Variants in CASTOR1 observed in about 807,000 individuals in gnomAD.
The protein encoded by CASTOR1 is GATS protein like 3.
Under a neutral mutation model 33.7 loss-of-function variants are expected in CASTOR1, and 18 were observed. That is an observed-to-expected ratio of 0.53 (90% CI 0.37 to 0.79). The LOEUF (loss-of-function observed/expected upper bound fraction) is 0.79, where lower values mean the gene tolerates loss of function less well. CASTOR1 is among the 30% of genes least tolerant of loss of function. CASTOR1 has a pLI of 0.00. For missense variants in CASTOR1, 362 were observed against 446.3 expected, an observed-to-expected ratio of 0.81 and a Z score of 1.70; for synonymous variants, 175 against 190.6, an observed-to-expected ratio of 0.92 and a Z score of 0.67.
intron 2 of CASTOR1, 127 bp from the exon 3 acceptor site, chr22:30,287,687 T>C: frequency 1.1e-6 from 1 of 878,086 alleles, no homozygotes. Context: ...AGGCTGGGGC[T>C]CCTGAAGTCC....
rs770988299 is a variant in CASTOR1 at position 30,287,145 on chromosome 22, C to A, written c.505+10G>T. The stretch of plus-strand genomic sequence containing the variant: ...CTGCCCAAGTCCAAGTGTCAGGGGG[C>A]GGCCCTCACCATGCTGAGTGCGGGG... On this transcript the variant is annotated intron_variant, in intron 4 of 8. Coordinates refer to ENST00000407689, the MANE Select transcript of CASTOR1 (RefSeq NM_001037666.3). The A allele has an allele frequency of 4.4e-6, 7 of 1,605,810 alleles. No individual in the cohort carries two copies. The highest frequency in any genetic ancestry group is 1.1e-5 in the South Asian group (1 of 90,432).
intron 4 of CASTOR1, 94 bp downstream of exon 4, chr22:30,287,061 G>C: frequency 6.5e-7 from 1 of 1,549,502 alleles, no homozygotes; most frequent in South Asian, 1.2e-5. Flanking sequence ...GGAACTGGCC[G>C]GGGTCCTCCT....
intron 8 of CASTOR1, 30 bp from the exon 9 acceptor site, chr22:30,285,718 C>G: frequency 6.4e-7 from 1 of 1,551,624 alleles, no homozygotes; most frequent in Non-Finnish European, 8.7e-7. Flanking sequence ...AGGGAAGGGT[C>G]AAGGCGGAAG....
At chr22:30,288,240 C>T (rs1242774843) in intron 2 of CASTOR1, among the ~76,000 whole-genome samples, 2 of 152,226 alleles carry the variant, frequency 1.3e-5, no homozygotes, top group African/African-American at 4.8e-5. Flanking sequence ...GCCTCCAGGA[C>T]CCTCCCCTGA....
rs1206504721 is a variant in CASTOR1 at position 30,287,372 on chromosome 22, C to A, written c.372+1G>T. The A allele has an allele frequency of 6.2e-7, 1 of 1,608,944 alleles. No individual in the cohort carries two copies. Among genetic ancestry groups the A allele is most frequent in the Non-Finnish European group, 8.5e-7 (1 of 1,176,838 alleles). On this transcript the variant is annotated splice_donor_variant, in intron 3 of 8. Coordinates refer to ENST00000407689, the MANE Select transcript of CASTOR1 (RefSeq NM_001037666.3). LOFTEE classifies it high-confidence loss of function. ...TGCATCAGCACCAGCAGGAAACTCA[C>A]CAGGATGAAGTCCGTCTGGTAAGTG...
rs201713389 is a variant in CASTOR1, at chr22:30,286,128, C to A, written c.744-30G>T. On this transcript the variant is annotated intron_variant, in intron 6 of 8. Transcript: ENST00000407689. ...GGAGGGAGATGGGTGATGGGCAGGG[C>A]ACCCCCATCCACCCCTGCCTGACCG... The A allele has an allele frequency of 4.9e-4, 720 of 1,484,102 alleles. 1 individual carries two copies. Among genetic ancestry groups the A allele is most frequent in the Non-Finnish European group, 5.8e-4 (630 of 1,089,284 alleles). 91.9% of individuals were successfully genotyped at this position (1,484,102 alleles called of 1,614,324 possible). A position where few individuals can be genotyped will look rare whatever the true frequency, so the allele number is the denominator to read the frequency against.
chr22:30,286,020 G>A lies in CASTOR1; in HGVS notation c.822C>T (p.Gly274=). 1 of 1,595,558 alleles carries A rather than the reference G, an allele frequency of 6.3e-7. No individual in the cohort carries two copies. The highest frequency in any genetic ancestry group is 1.7e-5 in the Admixed American group (1 of 58,350). Reference sequence around the variant, plus strand: ...AACACCGGGAACAGCCCTCACCAAAGCCCAGGGGCTGTCCACCGATGCGCA... The same window carrying A: ...AACACCGGGAACAGCCCTCACCAAAACCCAGGGGCTGTCCACCGATGCGCA... ...RMVRIGGQPL[G]FDECGIVAQI... Residue 274 remains glycine, a synonymous_variant, in exon 7 of 9, where the codon GGC becomes GGT. Coordinates refer to ENST00000407689, the MANE Select transcript of CASTOR1 (RefSeq NM_001037666.3).
intron 6 of CASTOR1, 60 bp from the exon 7 acceptor site, chr22:30,286,158 C>T: frequency 6.9e-7 from 1 of 1,445,058 alleles, no homozygotes; most frequent in East Asian, 2.3e-5. Context: ...TGACCGTGAG[C>T]TCTGGGACAG....
intron 5 of CASTOR1, 21 bp from the exon 6 acceptor site, chr22:30,286,397 T>C (rs1403467631): frequency 4.6e-6 from 7 of 1,530,236 alleles, no homozygotes; most frequent in Non-Finnish European, 5.4e-6. Flanking sequence ...ATGGGAGGTT[T>C]AGGGGCTCTA....
Position 30,285,374 on chromosome 22 carries a change from C to G in CASTOR1, c.*246G>C. The G allele has an allele frequency of 6.6e-6, 3 of 451,388 alleles. No homozygotes were observed. Among genetic ancestry groups the G allele is most frequent in the Middle Eastern group, 5.7e-4 (1 of 1,754 alleles). 28.0% of individuals were successfully genotyped at this position (451,388 alleles called of 1,614,324 possible). On this transcript the variant is annotated 3_prime_UTR_variant, in exon 9 of 9. Transcript: ENST00000407689. ...AGTGATGGGTTGGGGGCTTAAGCCC[C>G]GAGCACCGTGTTCCCCTGCATGGGC...
chr22:30,288,656 G>A, intron 2 of CASTOR1, 50 bp downstream of exon 2: 1 of 1,491,700 alleles, frequency 6.7e-7, no homozygotes, highest in Non-Finnish European at 9.3e-7. Flanking sequence ...CTACAGAAGG[G>A]GAGCACGACA....
Position 30,286,377 on chromosome 22 carries a change from C to G in CASTOR1, c.630-1G>C. 1 of 1,607,670 alleles carries G rather than the reference C, an allele frequency of 6.2e-7. No homozygotes were observed. Among genetic ancestry groups the G allele is most frequent in the African/African-American group, 1.3e-5 (1 of 74,954 alleles). The stretch of plus-strand genomic sequence containing the variant: ...GCTAGAGGCTGCCTCCTTGGGGGTG[C>G]TGGGGAGGGATGGGAGGTTTAGGGG... On this transcript the variant is annotated splice_acceptor_variant, in intron 5 of 8. Coordinates refer to ENST00000407689, the MANE Select transcript of CASTOR1 (RefSeq NM_001037666.3). LOFTEE classifies it high-confidence loss of function.
At position 30,287,407 on chromosome 22, in the gene CASTOR1, AG is replaced by A; in HGVS notation, c.337del (p.Leu113Ter). 6.2e-7 allele frequency: 1 copy of A among 1,613,414 alleles called. No homozygotes were observed. The highest frequency in any genetic ancestry group is 8.5e-7 in the Non-Finnish European group (1 of 1,179,946). ...APLAEHHVSV[L>X]MLSTYQTDFI... The stretch of plus-strand genomic sequence containing the variant: ...GTCCGTCTGGTAAGTGGACAGCATC[AG>A]CACAGACACGTGGTGCTCGGCCAGT... On this transcript the variant is annotated frameshift_variant, in exon 3 of 9. Transcript: ENST00000407689. LOFTEE classifies it high-confidence loss of function.
chr22:30,288,234 C>G (rs1007798575), intron 2 of CASTOR1, among the ~76,000 whole-genome samples: 4 of 152,218 alleles, frequency 2.6e-5, no homozygotes, highest in African/African-American at 9.6e-5. Flanking sequence ...CAGGAGGCCT[C>G]CAGGACCCTC....
chr22:30,286,145 G>T (rs769373208), intron 6 of CASTOR1, 47 bp from the exon 7 acceptor site: 16 of 1,465,000 alleles, frequency 1.1e-5, no homozygotes, highest in Non-Finnish European at 1.5e-5. Context: ...ATCCACCCCT[G>T]CCTGACCGTG....
intron 4 of CASTOR1, 46 bp downstream of exon 4, chr22:30,287,108 GA>G (rs1359445155): frequency 6.4e-7 from 1 of 1,571,936 alleles, no homozygotes; most frequent in South Asian, 1.2e-5. Flanking sequence ...GACCCAGTGG[GA>G]AGAGGAGGCC....
At chr22:30,286,171 A>G in intron 6 of CASTOR1, 73 bp from the exon 7 acceptor site, 1 of 1,425,100 alleles carries the variant, frequency 7.0e-7, no homozygotes, top group Non-Finnish European at 9.7e-7. Flanking sequence ...TGGGACAGGT[A>G]CACCTGCTGA....
At chr22:30,288,663 G>T (rs1414994163) in intron 2 of CASTOR1, 43 bp downstream of exon 2, 2 of 1,531,746 alleles carry the variant, frequency 1.3e-6, no homozygotes, top group South Asian at 2.2e-5. Flanking sequence ...AGGGGAGCAC[G>T]ACAAGCCCCT....
At chr22:30,286,702 G>C (rs772965525) in intron 5 of CASTOR1, 123 bp downstream of exon 5, 1 of 1,237,320 alleles carries the variant, frequency 8.1e-7, no homozygotes, top group East Asian at 2.5e-5. Context: ...TGAGCATCAT[G>C]GGCTGCCAGG....
Sources: gnomAD v4.1 joint callset for allele counts (sites outside exome capture counted in the v4.1 genomes callset) on GRCh38, gnomAD v4.1.1 for gene constraint, MANE v1.5 for transcripts, NCBI Gene and HGNC (gene_info 2026-07-23, HGNC 2026-07-21) for gene names.